Variants in ARID1B observed in about 807,000 individuals in gnomAD.
ARID1B encodes AT-rich interactive domain-containing protein 1B.
In ARID1B, 30 loss-of-function variants were observed where a neutral mutation model predicts 212.3. The observed-to-expected ratio is 0.14, with a 90% CI of 0.11 to 0.19. ARID1B has a LOEUF of 0.19. ARID1B is among the 10% of genes least tolerant of loss of function. The probability of loss-of-function intolerance (pLI) is 1.00; values close to 1 mark genes in which losing one functional copy is unlikely to be tolerated. For missense variants in ARID1B, 2,891 were observed against 3,204.0 expected, an observed-to-expected ratio of 0.90 and a Z score of 2.36; for synonymous variants, 1,402 against 1,301.7, an observed-to-expected ratio of 1.08 and a Z score of -1.66.
At chr6:156,943,691 A>G (rs1035581922) in intron 4 of ARID1B, 1 of 152,004 alleles carries the variant, frequency 6.6e-6, no homozygotes, top group Non-Finnish European at 1.5e-5. Context: ...AGAATATTCT[A>G]AAATTACGTA....
chr6:156,915,321 CT>C (rs1206559348), intron 3 of ARID1B, among the ~76,000 whole-genome samples: 1 of 152,132 alleles, frequency 6.6e-6, no homozygotes, highest in African/African-American at 2.4e-5. Context: ...AATCCCAGCC[CT>C]TTGGGAAGCT....
chr6:157,131,889 C>T (rs1035227209), intron 6 of ARID1B, among the ~76,000 whole-genome samples: 1 of 152,130 alleles, frequency 6.6e-6, no homozygotes, highest in Non-Finnish European at 1.5e-5. Context: ...CAGGGTTTCA[C>T]CATCTTGGCC....
Position 156,778,912 on chromosome 6 carries a change from GAGCAGGAGC to G in ARID1B, c.1235_1243del (p.Ala412_Ala414del), listed in dbSNP as rs1562377638. The G allele has an allele frequency of 6.7e-6, 9 of 1,340,828 alleles. No individual in the cohort carries two copies. Among genetic ancestry groups the G allele is most frequent in the South Asian group, 4.1e-5 (2 of 49,284 alleles). The allele number at this position is 1,340,828 out of a possible 1,614,324, so 83.1% of individuals were successfully genotyped here. A position where few individuals can be genotyped will look rare whatever the true frequency, so the allele number is the denominator to read the frequency against. On this transcript the variant is annotated inframe_deletion, in exon 1 of 20. Coordinates refer to ENST00000636930, the MANE Select transcript of ARID1B (RefSeq NM_001374828.1). Reference sequence around the variant, plus strand: ...AGCGGAGGAGGAGGAGGAGGAGGAGGAGCAGGAGCAGGAGGAGCAGGAGCGGGAGCTGTG... The same window carrying G: ...AGCGGAGGAGGAGGAGGAGGAGGAGGAGGAGGAGCAGGAGCGGGAGCTGTG...
chr6:157,194,145 A>G (rs1339468819), intron 15 of ARID1B: 1 of 152,160 alleles, frequency 6.6e-6, no homozygotes. Flanking sequence ...ATGTTCATTT[A>G]TGTGTTTGCC....
At chr6:156,895,855 C>A (rs920322693) in intron 2 of ARID1B, among the ~76,000 whole-genome samples, 1 of 152,140 alleles carries the variant, frequency 6.6e-6, no homozygotes, top group African/African-American at 2.4e-5. Context: ...TGAAGCCACG[C>A]CCCATAATCC....
At chr6:156,871,770 GGGA>G in intron 2 of ARID1B, 1 of 1,185,554 alleles carries the variant, frequency 8.4e-7, no homozygotes, top group Non-Finnish European at 1.2e-6. Flanking sequence ...CTTCTTAGAT[GGGA>G]GGCTGAGGGC....
chr6:157,167,335 C>T (rs936620161), intron 9 of ARID1B, 150 bp downstream of exon 9: 7 of 890,126 alleles, frequency 7.9e-6, no homozygotes, highest in African/African-American at 6.8e-5. Context: ...CAGAAACTTG[C>T]TCCATCTATT....
rs1554265935 is a variant in ARID1B, at chr6:156,905,250, G to GCGCACACACACACACACACA, written c.2136+3726_2136+3727insGCACACACACACACACACAC. On this transcript the variant is annotated intron_variant, in intron 3 of 19. Coordinates refer to ENST00000636930, the MANE Select transcript of ARID1B (RefSeq NM_001374828.1). Reference sequence around the variant, plus strand: ...GAATCAATTGTGCTCACATATGCACGCACACACACACACACACACACACAC... The same window carrying GCGCACACACACACACACACA: ...GAATCAATTGTGCTCACATATGCACGCGCACACACACACACACACACACACACACACACACACACACACAC... 4.3e-3 allele frequency among the ~76,000 whole-genome samples: 618 copies of GCGCACACACACACACACACA among 143,822 alleles called. 2 individuals carry two copies. Among genetic ancestry groups the GCGCACACACACACACACACA allele is most frequent in the Middle Eastern group, 0.028 (8 of 286 alleles). The allele number at this position is 143,822 out of a possible 152,430, so 94.4% of individuals were successfully genotyped here.
At chr6:156,788,917 T>C (rs932128345) in intron 1 of ARID1B, among the ~76,000 whole-genome samples, 2 of 152,196 alleles carry the variant, frequency 1.3e-5, no homozygotes, top group Non-Finnish European at 2.9e-5. Flanking sequence ...AGATGACATA[T>C]GATCCTTAAT....
chr6:157,139,364 G>A (rs369014320), intron 7 of ARID1B, among the ~76,000 whole-genome samples: 2 of 152,164 alleles, frequency 1.3e-5, no homozygotes, highest in Non-Finnish European at 2.9e-5. Context: ...GAGGTCCATC[G>A]CTCTTCCATT....
chr6:157,181,217 T>C, intron 12 of ARID1B, 39 bp downstream of exon 12: 1 of 1,603,680 alleles, frequency 6.2e-7, no homozygotes, highest in East Asian at 2.2e-5. Context: ...AAGGAAGCAT[T>C]GTGGATAAGT....
chr6:157,189,094 T>C (rs1316916196), intron 13 of ARID1B, among the ~76,000 whole-genome samples: 1 of 152,264 alleles, frequency 6.6e-6, no homozygotes, highest in Non-Finnish European at 1.5e-5. Context: ...GTTGAGAAGC[T>C]ATTGAAATGA....
intron 15 of ARID1B, among the ~76,000 whole-genome samples, chr6:157,191,594 G>A (rs1021112700): frequency 6.6e-6 from 1 of 152,086 alleles, no homozygotes; most frequent in Admixed American, 6.5e-5. Context: ...GATGCCTGCC[G>A]ACTCCCAAGG....
chr6:157,183,027 T>C (rs573297035), intron 12 of ARID1B, among the ~76,000 whole-genome samples: 2 of 152,210 alleles, frequency 1.3e-5, no homozygotes, highest in Non-Finnish European at 2.9e-5. Context: ...AGGCTGGGTC[T>C]GTCATGAGAC....
At chr6:157,131,683 A>ATGTTTTGTTT (rs536057563) in intron 6 of ARID1B, among the ~76,000 whole-genome samples, 1 of 151,796 alleles carries the variant, frequency 6.6e-6, no homozygotes, top group African/African-American at 2.4e-5. Flanking sequence ...AGCCTTGATG[A>ATGTTTTGTTT]TGTTTTGTTT....
chr6:156,897,205 TGCTG>T (rs1562468066), intron 2 of ARID1B, among the ~76,000 whole-genome samples: 21 of 80,258 alleles, frequency 2.6e-4, no homozygotes, highest in African/African-American at 7.7e-4. Flanking sequence ...CTGCTGCTGC[TGCTG>T]CTGCTGCTGC....
chr6:157,078,100 C>T (rs17088069), intron 4 of ARID1B, among the ~76,000 whole-genome samples: 4,175 of 152,186 alleles, frequency 0.027, 289 homozygotes, highest in East Asian at 0.27. Flanking sequence ...GTCTTAAGTT[C>T]GTTGGACTTA....
chr6:156,884,852 C>A (rs139715873), intron 2 of ARID1B, among the ~76,000 whole-genome samples: 98 of 152,272 alleles, frequency 6.4e-4, no homozygotes, highest in African/African-American at 2.2e-3. Context: ...AAAATATTAT[C>A]ATTTCCCCCC....
intron 4 of ARID1B, chr6:156,985,599 A>G (rs920370756): frequency 1.3e-5 from 2 of 152,300 alleles, no homozygotes; most frequent in African/African-American, 4.8e-5. Context: ...ATTTCCCTTT[A>G]GTGTTCAGCT....
Sources: allele counts gnomAD v4.1 joint callset (sites outside exome capture counted in the v4.1 genomes callset), GRCh38; gene constraint gnomAD v4.1.1; transcripts MANE v1.5; gene names NCBI Gene and HGNC (gene_info 2026-07-23, HGNC 2026-07-21).